Variants in ARNT2 observed in about 807,000 individuals in gnomAD.
The protein encoded by ARNT2 is aryl hydrocarbon receptor nuclear translocator 2.
ARNT2 carries 36 observed loss-of-function variants against 91.7 expected under a neutral mutation model. The observed-to-expected ratio is 0.39, with a 90% confidence interval of 0.30 to 0.52. ARNT2 has a LOEUF of 0.52. Among genes scored for constraint, ARNT2 ranks in the 20% least tolerant of loss-of-function variants. The probability of loss-of-function intolerance (pLI) is 0.72; values close to 1 mark genes in which losing one functional copy is unlikely to be tolerated. For synonymous variants in ARNT2, 365 were observed against 347.1 expected (o/e 1.05, Z -0.57); for missense variants, 775 against 939.3 (o/e 0.83, Z 2.29).
intron 5 of ARNT2, among the ~76,000 whole-genome samples, chr15:80,492,853 G>A (rs865940169): frequency 5.3e-5 from 8 of 152,072 alleles, no homozygotes; most frequent in Middle Eastern, 3.2e-3. Context: ...TTCTTGGTCC[G>A]AGGTTATTTT....
At chr15:80,543,094 C>CAAAA (rs368917679) in intron 8 of ARNT2, among the ~76,000 whole-genome samples, 4 of 86,718 alleles carry the variant, frequency 4.6e-5, no homozygotes, top group South Asian at 5.2e-4. Context: ...CAGACCCGGT[C>CAAAA]AAAAAAAAAA....
chr15:80,529,900 C>A (rs1897707286), intron 8 of ARNT2, among the ~76,000 whole-genome samples: 1 of 152,198 alleles, frequency 6.6e-6, no homozygotes, highest in Non-Finnish European at 1.5e-5. Context: ...GTACACATTT[C>A]ATCTGAACTC....
chr15:80,508,047 C>T (rs1208487002), intron 5 of ARNT2, 109 bp from the exon 6 acceptor site: 2 of 1,001,220 alleles, frequency 2.0e-6, no homozygotes, highest in Admixed American at 4.1e-5. Context: ...TGCACAGCCA[C>T]ACTTGTCCTC....
intron 4 of ARNT2, among the ~76,000 whole-genome samples, chr15:80,474,306 T>C (rs1045188079): frequency 1.1e-4 from 16 of 152,148 alleles, no homozygotes; most frequent in Admixed American, 9.8e-4. Context: ...GAGCTGAAGG[T>C]TGATGCTCCT....
chr15:80,516,348 G>C (rs573867312), intron 8 of ARNT2, among the ~76,000 whole-genome samples: 1 of 151,922 alleles, frequency 6.6e-6, no homozygotes, highest in Admixed American at 6.6e-5. Flanking sequence ...CTTTTTTTGC[G>C]TCACGTATTT....
At chr15:80,417,375 T>C (rs555279030) in intron 1 of ARNT2, among the ~76,000 whole-genome samples, 2 of 152,336 alleles carry the variant, frequency 1.3e-5, no homozygotes, top group African/African-American at 2.4e-5. Context: ...ATTTGCGTTT[T>C]ACTGTGGCTT....
intron 2 of ARNT2, 137 bp downstream of exon 2, chr15:80,451,131 A>T (rs191307003): frequency 8.1e-5 from 68 of 835,976 alleles, no homozygotes; most frequent in Admixed American, 3.7e-4. Context: ...CTTTTACAAG[A>T]TTCCTAAATA....
At chr15:80,411,728 A>G (rs559388705) in intron 1 of ARNT2, among the ~76,000 whole-genome samples, 10 of 152,200 alleles carry the variant, frequency 6.6e-5, no homozygotes, top group African/African-American at 2.2e-4. Flanking sequence ...AGGCTTAGAG[A>G]GGCTCAGAGA....
chr15:80,580,162 CGAG>C (rs1898764215), intron 15 of ARNT2: 1 of 492,934 alleles, frequency 2.0e-6, no homozygotes, highest in South Asian at 2.3e-5. Flanking sequence ...CTGGGGAGAA[CGAG>C]GAGAGGAAGT....
chr15:80,474,945 A>G, intron 4 of ARNT2, 65 bp from the exon 5 acceptor site: 1 of 1,515,692 alleles, frequency 6.6e-7, no homozygotes, highest in East Asian at 2.3e-5. Context: ...TGCTTTCCCA[A>G]TAAGAAAGTT....
intron 6 of ARNT2, among the ~76,000 whole-genome samples, chr15:80,508,700 A>G (rs957529620): frequency 1.1e-4 from 16 of 152,376 alleles, no homozygotes; most frequent in African/African-American, 3.6e-4. Flanking sequence ...TTAAATGTAA[A>G]TGTCTGGGTT....
intron 8 of ARNT2, among the ~76,000 whole-genome samples, chr15:80,515,426 C>T (rs1426611166): frequency 7.2e-5 from 11 of 152,156 alleles, no homozygotes; most frequent in Non-Finnish European, 1.5e-4. Context: ...AGTATTGATA[C>T]ATGCTATATT....
chr15:80,433,388 T>C (rs1294982978), intron 1 of ARNT2, among the ~76,000 whole-genome samples: 2 of 151,668 alleles, frequency 1.3e-5, no homozygotes, highest in Non-Finnish European at 2.9e-5. Context: ...CAGGTTCAAG[T>C]GATTCTCCTG....
intron 5 of ARNT2, among the ~76,000 whole-genome samples, chr15:80,491,502 A>G (rs1423419683): frequency 6.6e-6 from 1 of 152,184 alleles, no homozygotes; most frequent in African/African-American, 2.4e-5. Context: ...TTGAGTGGGG[A>G]CACAGCCAAG....
At chr15:80,408,961 G>C (rs1595950157) in intron 1 of ARNT2, among the ~76,000 whole-genome samples, 1 of 152,038 alleles carries the variant, frequency 6.6e-6, no homozygotes, top group African/African-American at 2.4e-5. Context: ...TGAAAGGAAG[G>C]CACAGAGATT....
At chr15:80,534,874 A>G (rs1421939987) in intron 8 of ARNT2, among the ~76,000 whole-genome samples, 4 of 152,200 alleles carry the variant, frequency 2.6e-5, no homozygotes, top group African/African-American at 9.6e-5. Flanking sequence ...CAGGATAGGT[A>G]TACCTTTTTT....
At chr15:80,543,988 A>C (rs1455052252) in intron 8 of ARNT2, among the ~76,000 whole-genome samples, 1 of 152,056 alleles carries the variant, frequency 6.6e-6, no homozygotes, top group East Asian at 1.9e-4. Flanking sequence ...TGATCTGCCC[A>C]CTTCAGCCTC....
chr15:80,574,013 T>A, intron 12 of ARNT2, 135 bp from the exon 13 acceptor site: 1 of 668,518 alleles, frequency 1.5e-6, no homozygotes. Context: ...AATAAAATGA[T>A]TAAAAATGGA....
intron 2 of ARNT2, among the ~76,000 whole-genome samples, chr15:80,452,761 G>A (rs1274324247): frequency 6.6e-6 from 1 of 152,108 alleles, no homozygotes; most frequent in African/African-American, 2.4e-5. Context: ...GTGCTGGGAA[G>A]TCGCCTCTGA....
Sources: gnomAD v4.1 joint callset for allele counts (sites outside exome capture counted in the v4.1 genomes callset) on GRCh38, gnomAD v4.1.1 for gene constraint, MANE v1.5 for transcripts, NCBI Gene and HGNC (gene_info 2026-07-23, HGNC 2026-07-21) for gene names.